The following RGS7 variants were observed in gnomAD, a reference collection of about 807,000 sequenced individuals.
RGS7 encodes regulator of G-protein signaling 7.
In RGS7, 27 loss-of-function variants were observed where a neutral mutation model predicts 81.1. The observed-to-expected ratio is 0.33, with a 90% CI of 0.25 to 0.46. RGS7 has a LOEUF of 0.46. Among genes scored for constraint, RGS7 ranks in the 20% least tolerant of loss-of-function variants. The probability of loss-of-function intolerance (pLI) is 1.00; values close to 1 mark genes in which losing one functional copy is unlikely to be tolerated. For synonymous variants in RGS7, 208 were observed against 207.7 expected, an observed-to-expected ratio of 1.00 and a Z score of -0.01; for missense variants, 396 against 607.4, an observed-to-expected ratio of 0.65 and a Z score of 3.66.
At chr1:240,827,027 G>T in intron 10 of RGS7, 71 bp downstream of exon 10, 1 of 1,246,818 alleles carries the variant, frequency 8.0e-7, no homozygotes, top group Non-Finnish European at 1.2e-6. Flanking sequence ...AGAAGAAAGT[G>T]TTTTTATGGC....
intron 2 of RGS7, among the ~76,000 whole-genome samples, chr1:241,146,157 C>T (rs1032933698): frequency 4.0e-5 from 6 of 151,768 alleles, no homozygotes; most frequent in South Asian, 2.1e-4. Flanking sequence ...CATGCATCCA[C>T]GGATTCAACT....
intron 10 of RGS7, chr1:240,822,877 T>C: frequency 2.9e-6 from 1 of 341,170 alleles, no homozygotes; most frequent in Non-Finnish European, 5.5e-6. Flanking sequence ...GGAAAACATT[T>C]GAGTTTTAAA....
At chr1:240,972,825 G>A (rs564945780) in intron 4 of RGS7, among the ~76,000 whole-genome samples, 1 of 139,140 alleles carries the variant, frequency 7.2e-6, no homozygotes, top group South Asian at 2.3e-4. Context: ...TTTGAGGCCA[G>A]CCTGGGCAAC....
At chr1:240,779,833 G>A (rs1683668660) in intron 18 of RGS7, among the ~76,000 whole-genome samples, 1 of 152,090 alleles carries the variant, frequency 6.6e-6, no homozygotes, top group South Asian at 2.1e-4. Flanking sequence ...CTCAGTTTAC[G>A]TTGGCTATTA....
intron 2 of RGS7, among the ~76,000 whole-genome samples, chr1:241,285,967 C>G (rs1015717930): frequency 6.6e-6 from 1 of 152,128 alleles, no homozygotes; most frequent in African/African-American, 2.4e-5. Flanking sequence ...ATCATGAGTG[C>G]GCATAATAAC....
chr1:240,775,455 G>A (rs1158142546), downstream of RGS7: 1 of 152,308 alleles, frequency 6.6e-6, no homozygotes, highest in East Asian at 1.9e-4. Flanking sequence ...GTAGTGGGTT[G>A]TGGATTTCTC....
At chr1:241,098,383 T>C (rs193276592) in intron 3 of RGS7, among the ~76,000 whole-genome samples, 2 of 152,348 alleles carry the variant, frequency 1.3e-5, no homozygotes, top group Non-Finnish European at 2.9e-5. Context: ...ACAACCTTCA[T>C]AACATTGTTT....
intron 3 of RGS7, among the ~76,000 whole-genome samples, chr1:241,003,820 C>G (rs2058545581): frequency 6.6e-6 from 1 of 152,124 alleles, no homozygotes. Context: ...ACAATCTCGG[C>G]TCACTGCAAC....
chr1:240,856,906 T>C (rs1661232254), intron 9 of RGS7, among the ~76,000 whole-genome samples: 1 of 152,152 alleles, frequency 6.6e-6, no homozygotes, highest in Non-Finnish European at 1.5e-5. Context: ...ATTGATCATG[T>C]CAAGAATGAA....
intron 4 of RGS7, among the ~76,000 whole-genome samples, chr1:240,973,375 G>A (rs929484894): frequency 1.3e-4 from 19 of 151,586 alleles, no homozygotes; most frequent in Admixed American, 2.6e-4. Context: ...AAAAATTAGC[G>A]GGGCGTGGTG....
chr1:240,959,269 A>G (rs1409069251), intron 4 of RGS7, among the ~76,000 whole-genome samples: 1 of 152,222 alleles, frequency 6.6e-6, no homozygotes, highest in East Asian at 1.9e-4. Context: ...ACAGCCATGT[A>G]TCTCATGCAT....
At chr1:241,218,976 G>C (rs1006710386) in intron 2 of RGS7, among the ~76,000 whole-genome samples, 2 of 152,134 alleles carry the variant, frequency 1.3e-5, no homozygotes, top group African/African-American at 4.8e-5. Context: ...TAGGACAAGA[G>C]AGGCAGCTTG....
At chr1:240,827,008 C>G in intron 10 of RGS7, 90 bp downstream of exon 10, 1 of 1,036,482 alleles carries the variant, frequency 9.6e-7, no homozygotes, top group Non-Finnish European at 1.5e-6. Flanking sequence ...AAAGATACTG[C>G]ATGACATGAG....
chr1:241,275,757 T>C (rs896323357), intron 2 of RGS7, among the ~76,000 whole-genome samples: 14 of 152,332 alleles, frequency 9.2e-5, no homozygotes, highest in Admixed American at 4.6e-4. Flanking sequence ...CTGCAAGCAT[T>C]GCCATTCCAG....
At chr1:241,173,356 T>C (rs1385806076) in intron 2 of RGS7, among the ~76,000 whole-genome samples, 1 of 152,244 alleles carries the variant, frequency 6.6e-6, no homozygotes, top group Non-Finnish European at 1.5e-5. Context: ...GTTATAAATA[T>C]CAAATATCAC....
chr1:240,847,273 T>C (rs1281845268), intron 9 of RGS7, among the ~76,000 whole-genome samples: 1 of 152,238 alleles, frequency 6.6e-6, no homozygotes, highest in Non-Finnish European at 1.5e-5. Flanking sequence ...GGTACTGTCC[T>C]AAGCAATGTA....
chr1:241,337,867 T>C (rs947271166), intron 2 of RGS7, among the ~76,000 whole-genome samples: 2 of 152,222 alleles, frequency 1.3e-5, no homozygotes, highest in African/African-American at 4.8e-5. Context: ...GATTATTTAT[T>C]TGCAGGGACA....
At chr1:240,994,789 T>C (rs1437861573) in intron 3 of RGS7, among the ~76,000 whole-genome samples, 1 of 152,070 alleles carries the variant, frequency 6.6e-6, no homozygotes, top group Admixed American at 6.6e-5. Flanking sequence ...TTATTATTAT[T>C]ACTATTATTA....
At chr1:241,080,954 G>T (rs770289722) in intron 3 of RGS7, among the ~76,000 whole-genome samples, 8 of 152,096 alleles carry the variant, frequency 5.3e-5, no homozygotes. Flanking sequence ...CCATATTCAC[G>T]TGGTTTCGAA....
Sources: allele counts gnomAD v4.1 joint callset (sites outside exome capture counted in the v4.1 genomes callset), GRCh38; gene constraint gnomAD v4.1.1; transcripts MANE v1.5; gene names NCBI Gene and HGNC (gene_info 2026-07-23, HGNC 2026-07-21).